Variants in DST observed in about 807,000 individuals in gnomAD.
DST encodes the protein dystonin, also known as bullous pemphigoid antigen.
DST carries 253 observed loss-of-function variants against 875.2 expected under a neutral mutation model. The ratio of observed to expected loss-of-function variants is 0.29; its 90% CI spans 0.26 to 0.32. The LOEUF is 0.32. Among genes scored for constraint, DST ranks in the 10% least tolerant of loss-of-function variants. The probability of loss-of-function intolerance (pLI) is 1.00; values close to 1 mark genes in which losing one functional copy is unlikely to be tolerated. For synonymous variants in DST, 3,124 were observed against 3,197.1 expected (o/e 0.98, Z 0.77); for missense variants, 8,287 against 9,111.6 (o/e 0.91, Z 3.68).
intron 4 of DST, among the ~76,000 whole-genome samples, chr6:56,797,818 C>CA (rs34649685): frequency 0.24 from 14,764 of 60,360 alleles, 1,315 homozygotes; most frequent in Non-Finnish European, 0.3. Context: ...AACTCCGTCT[C>CA]AAAAAAAAAA....
chr6:56,597,961 T>C lies in DST; in HGVS notation c.11974A>G (p.Asn3992Asp), dbSNP rs1353779081. ...ACATTTGACAACCAGTCCAAAAGGT[T>C]TTCTATTTTGGTTTTGCTCTCTTCC... The part of the protein sequence containing the change: ...QLEESKTKIE[N>D]LLDWLSNVDK... The change falls in exon 47 of 104, where the codon AAC becomes GAC. Residue 3992 changes from asparagine (N) to aspartate (D), a missense_variant. Transcript: ENST00000680361. The C allele has an allele frequency of 3.1e-6, 5 of 1,611,600 alleles. No homozygotes were observed. In the African/African-American group the frequency reaches 5.3e-5, roughly 17 times the overall value.
rs1254641092 is a variant in DST, at chr6:56,606,834, C to T, written c.7794G>A (p.Gln2598=). ...SDYETSLLND[Q]QNNTGTDTDS... ...CAGTGTCTGTTCCTGTGTTATTCTG[C>T]TGATCATTCAGCAGTGACGTTTCAT... The change falls in exon 40 of 104, where the codon CAG becomes CAA. Residue 2598 remains glutamine (Q), a synonymous_variant. Transcript: ENST00000680361. 6.2e-7 allele frequency: 1 copy of T among 1,613,248 alleles called. No homozygotes were observed. The highest frequency in any genetic ancestry group is 8.5e-7 in the Non-Finnish European group (1 of 1,179,558).
intron 4 of DST, among the ~76,000 whole-genome samples, chr6:56,747,006 G>A (rs1292231814): frequency 1.3e-5 from 2 of 152,168 alleles, no homozygotes; most frequent in African/African-American, 4.8e-5. Flanking sequence ...TGCAACTGGT[G>A]ATACCTTTTT....
intron 44 of DST, 32 bp from the exon 45 acceptor site, chr6:56,600,253 T>C (rs755148512): frequency 5.0e-6 from 8 of 1,594,924 alleles, no homozygotes; most frequent in Non-Finnish European, 6.8e-6. Flanking sequence ...ACATCTTAAA[T>C]GTATGGTGGT....
intron 82 of DST, among the ~76,000 whole-genome samples, chr6:56,495,982 T>C (rs2095888113): frequency 6.6e-6 from 1 of 152,146 alleles, no homozygotes; most frequent in Admixed American, 6.5e-5. Flanking sequence ...TACAACAACA[T>C]TATATCTCTA....
chr6:56,597,223 G>A (rs2098400114), intron 47 of DST, among the ~76,000 whole-genome samples: 1 of 149,522 alleles, frequency 6.7e-6, no homozygotes, highest in South Asian at 2.1e-4. Context: ...CTGGGCGACA[G>A]GGTGAGACCT....
chr6:56,518,806 C>T (rs551840841), intron 69 of DST, among the ~76,000 whole-genome samples: 5 of 152,156 alleles, frequency 3.3e-5, no homozygotes, highest in Non-Finnish European at 5.9e-5. Flanking sequence ...TATTCAAGTC[C>T]AGTACTGCCA....
intron 4 of DST, among the ~76,000 whole-genome samples, chr6:56,823,768 A>T (rs1392886721): frequency 6.6e-6 from 1 of 152,104 alleles, no homozygotes; most frequent in East Asian, 1.9e-4. Flanking sequence ...GCAGTTTTTA[A>T]ATTGCTGGGA....
Position 56,473,332 on chromosome 6 carries a change from A to G in DST, c.21994+541T>C, listed in dbSNP as rs561213556. The stretch of plus-strand genomic sequence containing the variant: ...TTCTATTCAGAAACGCATAAAACAT[A>G]TAACACAAATTGTGTTTCTTTTTAA... On this transcript the variant is annotated intron_variant, in intron 93 of 103. Coordinates refer to ENST00000680361, the MANE Select transcript of DST (RefSeq NM_001374736.1). Among the ~76,000 whole-genome samples, 10 of 152,356 alleles carry G rather than the reference A, an allele frequency of 6.6e-5. No homozygotes were observed. In the South Asian group the frequency reaches 1.7e-3, roughly 25 times the overall value.
chr6:56,608,986 G>T lies in DST; in HGVS notation c.5642C>A (p.Ser1881Tyr), dbSNP rs1287560792. 1 of 1,613,768 alleles carries T rather than the reference G, an allele frequency of 6.2e-7. No homozygotes were observed. The highest frequency in any genetic ancestry group is 1.3e-5 in the African/African-American group (1 of 74,910). ...KVLEILLSTG[S>Y]LVIPATGEQL... The stretch of plus-strand genomic sequence containing the variant: ...TTCTCCTGTGGCTGGAATAACCAGA[G>T]AGCCTGTAGAAAGCAGTATCTCAAG... Residue 1881 changes from serine (S) to tyrosine (Y), a missense_variant, in exon 40 of 104, where the codon TCT becomes TAT. Coordinates refer to ENST00000680361, the MANE Select transcript of DST (RefSeq NM_001374736.1).
chr6:56,546,044 CTATT>C (rs1394161826), intron 61 of DST, among the ~76,000 whole-genome samples: 1 of 151,878 alleles, frequency 6.6e-6, no homozygotes, highest in African/African-American at 2.4e-5. Flanking sequence ...TATGCAATAA[CTATT>C]TATTTCATGG....
intron 5 of DST, among the ~76,000 whole-genome samples, chr6:56,725,577 A>C (rs1220990774): frequency 2.0e-5 from 3 of 152,218 alleles, no homozygotes; most frequent in African/African-American, 7.2e-5. Context: ...GGAATGGACA[A>C]AGAAAAGGAG....
intron 3 of DST, among the ~76,000 whole-genome samples, chr6:56,880,905 C>T (rs1395598857): frequency 4.9e-5 from 6 of 121,724 alleles, no homozygotes; most frequent in East Asian, 5.5e-4. Flanking sequence ...TAGAGTGCAG[C>T]GGCACAATCT....
intron 9 of DST, among the ~76,000 whole-genome samples, chr6:56,683,507 C>T (rs1190918790): frequency 6.6e-6 from 1 of 152,184 alleles, no homozygotes; most frequent in Non-Finnish European, 1.5e-5. Flanking sequence ...TATGTTTCCT[C>T]TCTCCTACGG....
Position 56,619,793 on chromosome 6 carries a change from T to C in DST, c.4929+4737A>G, listed in dbSNP as rs747357942. Reference sequence around the variant, plus strand: ...CAACTTAAGGCATCTGAGTGTATTATTTGTTTCATCTAGTTTATCTTTTAG... The same window carrying C: ...CAACTTAAGGCATCTGAGTGTATTACTTGTTTCATCTAGTTTATCTTTTAG... On this transcript the variant is annotated intron_variant, in intron 36 of 103. Transcript: ENST00000680361. 3.1e-6 allele frequency: 5 copies of C among 1,614,080 alleles called. No individual in the cohort carries two copies. The East Asian group carries it at 1.1e-4, about 36-fold the overall frequency.
chr6:56,708,981 A>G (rs2099351831), intron 5 of DST, among the ~76,000 whole-genome samples: 2 of 152,168 alleles, frequency 1.3e-5, no homozygotes, highest in African/African-American at 2.4e-5. Context: ...CTTTTTGGAT[A>G]TGTTCTCCCT....
rs764801584 is a variant in DST, at chr6:56,692,823, C to T, written c.1047+6830G>A. On this transcript the variant is annotated intron_variant, in intron 9 of 103. Coordinates refer to ENST00000680361, the MANE Select transcript of DST (RefSeq NM_001374736.1). ...TGCTTACAGCACTCGGCAGAAGTTT[C>T]TGTTTAACGCTGTCAGCTACAACTT... 5 of 1,289,850 alleles carry T rather than the reference C, an allele frequency of 3.9e-6. No homozygotes were observed. In the South Asian group the frequency reaches 6.2e-5, roughly 16 times the overall value. 79.9% of individuals were successfully genotyped at this position (1,289,850 alleles called of 1,614,324 possible). A position where few individuals can be genotyped will look rare whatever the true frequency, so the allele number is the denominator to read the frequency against.
At chr6:56,894,951 T>C (rs1790352784) in intron 3 of DST, among the ~76,000 whole-genome samples, 1 of 85,694 alleles carries the variant, frequency 1.2e-5, no homozygotes, top group Non-Finnish European at 2.2e-5. Context: ...GCCCCTCACC[T>C]CCCGGACGGG....
chr6:56,572,002 T>G, intron 53 of DST, 98 bp downstream of exon 53: 1 of 604,936 alleles, frequency 1.7e-6, no homozygotes, highest in East Asian at 3.7e-5. Flanking sequence ...TATTCTCAAG[T>G]TTTCAAAATT....
Sources: gnomAD v4.1 joint callset for allele counts (sites outside exome capture counted in the v4.1 genomes callset) on GRCh38, gnomAD v4.1.1 for gene constraint, MANE v1.5 for transcripts, NCBI Gene and HGNC (gene_info 2026-07-23, HGNC 2026-07-21) for gene names.